GRIA1: variants seen among roughly 807,000 people sequenced by gnomAD.
The protein encoded by GRIA1 is glutamate receptor 1.
GRIA1 carries 31 observed loss-of-function variants against 99.2 expected under a neutral mutation model. The observed-to-expected ratio is 0.31, with a 90% CI of 0.23 to 0.42. The LOEUF is 0.42. GRIA1 is among the 10% of genes least tolerant of loss of function. GRIA1 has a pLI of 1.00. For missense variants in GRIA1, 782 were observed against 1,157.5 expected, an observed-to-expected ratio of 0.68 and a Z score of 4.71; for synonymous variants, 438 against 432.4, an observed-to-expected ratio of 1.01 and a Z score of -0.16.
intron 5 of GRIA1, among the ~76,000 whole-genome samples, chr5:153,672,111 T>C (rs780344967): frequency 2.0e-5 from 3 of 152,182 alleles, no homozygotes; most frequent in African/African-American, 4.8e-5. Context: ...ACAAGATGCC[T>C]ACACTGCAGG....
chr5:153,609,402 C>G (rs1444830993), intron 2 of GRIA1, among the ~76,000 whole-genome samples: 2 of 149,260 alleles, frequency 1.3e-5, no homozygotes, highest in Admixed American at 6.8e-5. Context: ...TGTTCCTGAT[C>G]TTGAAAAAAA....
intron 2 of GRIA1, among the ~76,000 whole-genome samples, chr5:153,534,903 TTTTTG>T (rs3064336): frequency 0.85 from 127,882 of 150,546 alleles, 54,511 homozygotes; most frequent in African/African-American, 0.93. Flanking sequence ...CACAGGCCTT[TTTTTG>T]TTTTGTTTTG....
chr5:153,716,342 C>G (rs533198454), intron 11 of GRIA1, among the ~76,000 whole-genome samples: 8 of 152,228 alleles, frequency 5.3e-5, no homozygotes, highest in African/African-American at 1.9e-4. Context: ...TGACACACAG[C>G]TGTCTTCCAA....
rs760854220 is a variant in GRIA1, at chr5:153,490,933, G to T, written c.45G>T (p.Ala15=). 8.7e-6 allele frequency: 14 copies of T among 1,614,160 alleles called. 1 individual carries two copies. The South Asian group carries it at 1.1e-4, about 13-fold the overall frequency. ...FAFFCTGFLG[A]VVGANFPNNI... ...TCTTCTGCACCGGTTTCCTAGGCGC[G>T]GTAGTAGGTGCCAATTTCCCCAACA... The change falls in exon 1 of 16, where the codon GCG becomes GCT. Residue 15 remains alanine, a synonymous_variant. Transcript: ENST00000285900.
chr5:153,741,495 G>A (rs971720380), intron 11 of GRIA1, among the ~76,000 whole-genome samples: 1 of 152,082 alleles, frequency 6.6e-6, no homozygotes, highest in Non-Finnish European at 1.5e-5. Flanking sequence ...CCAAAATATG[G>A]AAATAACCTA....
chr5:153,650,723 G>A (rs887233397), intron 4 of GRIA1, among the ~76,000 whole-genome samples: 1 of 150,952 alleles, frequency 6.6e-6, no homozygotes. Context: ...GGCTTCAAAT[G>A]GTTCTCAGAC....
At chr5:153,681,069 G>A (rs989201672) in intron 7 of GRIA1, among the ~76,000 whole-genome samples, 1 of 152,186 alleles carries the variant, frequency 6.6e-6, no homozygotes, top group Non-Finnish European at 1.5e-5. Flanking sequence ...GGCTGCACAC[G>A]AAGTACACTG....
intron 11 of GRIA1, among the ~76,000 whole-genome samples, chr5:153,726,114 A>C (rs1224283228): frequency 6.6e-6 from 1 of 152,198 alleles, no homozygotes; most frequent in Non-Finnish European, 1.5e-5. Context: ...CTACATGGAA[A>C]CTGAACAACC....
chr5:153,596,050 C>T (rs1764406148), intron 2 of GRIA1, among the ~76,000 whole-genome samples: 1 of 150,640 alleles, frequency 6.6e-6, no homozygotes, highest in Non-Finnish European at 1.5e-5. Context: ...CAGGTCAACA[C>T]TGTCACTAAG....
At chr5:153,572,527 G>T (rs553472879) in intron 2 of GRIA1, among the ~76,000 whole-genome samples, 1 of 152,312 alleles carries the variant, frequency 6.6e-6, no homozygotes, top group African/African-American at 2.4e-5. Context: ...CAGCTGGGAA[G>T]AATGCCACAA....
At chr5:153,512,927 C>G (rs891314114) in intron 2 of GRIA1, among the ~76,000 whole-genome samples, 32 of 152,122 alleles carry the variant, frequency 2.1e-4, no homozygotes, top group African/African-American at 7.5e-4. Flanking sequence ...ATAAGAGACA[C>G]CAGAATACTT....
intron 11 of GRIA1, among the ~76,000 whole-genome samples, chr5:153,711,106 T>C (rs1269757635): frequency 2.0e-5 from 3 of 152,038 alleles, no homozygotes; most frequent in African/African-American, 4.8e-5. Flanking sequence ...TGAGATAAGA[T>C]TGGAGGAAGA....
chr5:153,679,092 C>A (rs921656539), intron 7 of GRIA1, among the ~76,000 whole-genome samples: 1 of 152,150 alleles, frequency 6.6e-6, no homozygotes, highest in African/African-American at 2.4e-5. Flanking sequence ...AGAACAATGA[C>A]CTCTTTTATT....
At chr5:153,648,441 C>T (rs541766848) in intron 3 of GRIA1, among the ~76,000 whole-genome samples, 1 of 152,290 alleles carries the variant, frequency 6.6e-6, no homozygotes, top group East Asian at 1.9e-4. Flanking sequence ...CTCCACCTAC[C>T]TCAGAACTCA....
intron 10 of GRIA1, among the ~76,000 whole-genome samples, chr5:153,700,999 TG>T (rs1304908393): frequency 6.6e-6 from 1 of 152,220 alleles, no homozygotes; most frequent in Non-Finnish European, 1.5e-5. Flanking sequence ...GGTAGAGACC[TG>T]GATAGTACAT....
At chr5:153,621,058 A>G (rs1044692401) in intron 2 of GRIA1, among the ~76,000 whole-genome samples, 12 of 152,230 alleles carry the variant, frequency 7.9e-5, no homozygotes, top group Non-Finnish European at 1.5e-4. Context: ...GTCATGCAAC[A>G]TAGTGGCCCT....
chr5:153,670,568 G>T, intron 5 of GRIA1, among the ~76,000 whole-genome samples: 1 of 151,942 alleles, frequency 6.6e-6, no homozygotes, highest in East Asian at 1.9e-4. Flanking sequence ...ATTTTTAATA[G>T]AATATAATTA....
At chr5:153,613,144 G>A (rs1766153273) in intron 2 of GRIA1, among the ~76,000 whole-genome samples, 1 of 150,230 alleles carries the variant, frequency 6.7e-6, no homozygotes. Context: ...CTGTTCCAGG[G>A]AGTACTTTCT....
intron 15 of GRIA1, among the ~76,000 whole-genome samples, chr5:153,810,001 G>A (rs1470794924): frequency 6.6e-6 from 1 of 152,020 alleles, no homozygotes; most frequent in Non-Finnish European, 1.5e-5. Flanking sequence ...TGGAAAGTTT[G>A]AGATGGACAG....
Sources: allele counts gnomAD v4.1 joint callset (sites outside exome capture counted in the v4.1 genomes callset), GRCh38; gene constraint gnomAD v4.1.1; transcripts MANE v1.5; gene names NCBI Gene and HGNC (gene_info 2026-07-23, HGNC 2026-07-21).